C1orf105: variants seen among roughly 807,000 people sequenced by gnomAD.
C1orf105 encodes the protein uncharacterized protein C1orf105.
C1orf105 carries 17 observed loss-of-function variants against 20.8 expected under a neutral mutation model. The ratio of observed to expected loss-of-function variants is 0.82; its 90% CI spans 0.56 to 1.23. C1orf105 has a LOEUF of 1.23. Ranked by LOEUF, C1orf105 falls within the 50% of genes most tolerant of loss-of-function variation. C1orf105 has a pLI of 0.00. For synonymous variants in C1orf105, 72 were observed against 72.1 expected, an observed-to-expected ratio of 1.00 and a Z score of 0.01; for missense variants, 219 against 213.5, an observed-to-expected ratio of 1.03 and a Z score of -0.16.
At chr1:172,442,532 G>T in intron 1 of C1orf105, 1 of 1,614,074 alleles carries the variant, frequency 6.2e-7, no homozygotes, top group East Asian at 2.2e-5. Flanking sequence ...AGGAATCGCC[G>T]GTCCACATAG....
chr1:172,452,929 GC>G, intron 3 of C1orf105: 1 of 1,522,426 alleles, frequency 6.6e-7, no homozygotes, highest in South Asian at 1.3e-5. Context: ...TTGCTGCTGA[GC>G]TGGTCGTAAG....
intron 1 of C1orf105, among the ~76,000 whole-genome samples, chr1:172,422,717 G>A (rs1263780085): frequency 3.3e-5 from 5 of 151,798 alleles, no homozygotes; most frequent in Non-Finnish European, 5.9e-5. Context: ...CTCTTGGATG[G>A]CATCTCTGGA....
At chr1:172,440,293 C>T (rs2072178664) in intron 1 of C1orf105, among the ~76,000 whole-genome samples, 2 of 152,212 alleles carry the variant, frequency 1.3e-5, no homozygotes, top group Non-Finnish European at 2.9e-5. Context: ...GTGCCTGCTG[C>T]ATTTGGCACC....
intron 3 of C1orf105, chr1:172,453,211 A>G (rs756844608): frequency 2.1e-5 from 33 of 1,548,294 alleles, no homozygotes; most frequent in Non-Finnish European, 2.8e-5. Context: ...CACAGATCAA[A>G]GATTGCTTTT....
chr1:172,420,937 C>G (rs1558119723), intron 1 of C1orf105, 31 bp downstream of exon 1: 1 of 1,580,738 alleles, frequency 6.3e-7, no homozygotes, highest in Non-Finnish European at 8.7e-7. Flanking sequence ...ACTTCCAATT[C>G]TTTCCTTATG....
chr1:172,433,574 G>C (rs1328626893), intron 1 of C1orf105, among the ~76,000 whole-genome samples: 3 of 152,162 alleles, frequency 2.0e-5, no homozygotes, highest in African/African-American at 7.2e-5. Context: ...GTCACCACCA[G>C]GCCTGCCTTA....
intron 2 of C1orf105, among the ~76,000 whole-genome samples, chr1:172,447,959 T>C (rs773406257): frequency 1.3e-5 from 2 of 152,042 alleles, no homozygotes; most frequent in Admixed American, 1.3e-4. Flanking sequence ...AACTGCTAAC[T>C]AGAAAGAAAA....
intron 4 of C1orf105, among the ~76,000 whole-genome samples, chr1:172,461,443 G>A: frequency 6.6e-6 from 1 of 152,092 alleles, no homozygotes; most frequent in East Asian, 1.9e-4. Context: ...TATTATTATA[G>A]CTACAATAAT....
At position 172,445,141 on chromosome 1, in the gene C1orf105, G is replaced by T. The variant is rs1349873239; in HGVS notation, c.90G>T (p.Val30=). 1 of 1,611,878 alleles carries T rather than the reference G, an allele frequency of 6.2e-7. No individual in the cohort carries two copies. Among genetic ancestry groups the T allele is most frequent in the Non-Finnish European group, 8.5e-7 (1 of 1,179,136 alleles). ...CCAGCCTTGTAAACAAGCCATTAGT[G>T]CTCAGCCTTCCCAGAAGGTAACCTC... is the stretch of plus-strand genomic sequence containing the variant. The part of the protein sequence containing the change: ...SEASLVNKPL[V]LSLPRRYPHT... The change falls in exon 2 of 7, where the codon GTG becomes GTT. Residue 30 remains valine (V), a synonymous_variant. Coordinates refer to ENST00000367727, the MANE Select transcript of C1orf105 (RefSeq NM_139240.4).
chr1:172,437,758 A>AATAATAATAAT (rs1553259031), intron 1 of C1orf105, among the ~76,000 whole-genome samples: 1 of 149,246 alleles, frequency 6.7e-6, no homozygotes, highest in Admixed American at 6.7e-5. Context: ...TAATAATAAT[A>AATAATAATAAT]AACAAAACGA....
chr1:172,438,931 T>G (rs1411801749), intron 1 of C1orf105, among the ~76,000 whole-genome samples: 1 of 152,242 alleles, frequency 6.6e-6, no homozygotes, highest in Admixed American at 6.5e-5. Flanking sequence ...CTCAGATGAT[T>G]GTTCGCATTT....
intron 1 of C1orf105, among the ~76,000 whole-genome samples, chr1:172,436,013 C>A (rs2072029777): frequency 6.6e-6 from 1 of 152,096 alleles, no homozygotes; most frequent in Non-Finnish European, 1.5e-5. Context: ...GAATAAAACA[C>A]CTAGGAATCC....
intron 1 of C1orf105, among the ~76,000 whole-genome samples, chr1:172,421,405 T>A (rs2071583139): frequency 6.6e-6 from 1 of 152,216 alleles, no homozygotes. Context: ...CACTGTATGT[T>A]TCCTATTTAA....
intron 6 of C1orf105, among the ~76,000 whole-genome samples, chr1:172,466,573 TACACACACACACACACACAC>T (rs3980398): frequency 2.7e-4 from 40 of 147,284 alleles, no homozygotes; most frequent in Middle Eastern, 3.4e-3. Flanking sequence ...ATGAATCACA[TACACACACACACACACACAC>T]ACACACACAC....
rs551974817 is a variant in C1orf105 at position 172,462,173 on chromosome 1, T to C, written c.274-5T>C. On this transcript the variant is annotated splice_region_variant and splice_polypyrimidine_tract_variant and intron_variant, in intron 4 of 6. Coordinates refer to ENST00000367727, the MANE Select transcript of C1orf105 (RefSeq NM_139240.4). The stretch of plus-strand genomic sequence containing the variant: ...CAACGTTCTAAATGAGACTTTCTTC[T>C]TGAGGTACAACCAAGAACAATGAAA... 1 of 1,606,174 alleles carries C rather than the reference T, an allele frequency of 6.2e-7. No individual in the cohort carries two copies. Among genetic ancestry groups the C allele is most frequent in the African/African-American group, 1.3e-5 (1 of 74,794 alleles).
chr1:172,464,272 T>C (rs1287876362), intron 5 of C1orf105, among the ~76,000 whole-genome samples: 1 of 152,226 alleles, frequency 6.6e-6, no homozygotes, highest in Non-Finnish European at 1.5e-5. Flanking sequence ...AGAAGGGGTT[T>C]TGCTTTCTCT....
chr1:172,445,143 T>C lies in C1orf105; in HGVS notation c.92T>C (p.Leu31Pro). Residue 31 changes from leucine to proline, a missense_variant, in exon 2 of 7, where the codon CTC becomes CCC. Leu to Pro is a moderately conservative substitution (Grantham distance 98). Coordinates refer to ENST00000367727, the MANE Select transcript of C1orf105 (RefSeq NM_139240.4). ...EASLVNKPLVLSLPRRYPHTS... is the reference protein window; with the variant it reads ...EASLVNKPLVPSLPRRYPHTS... ...AGCCTTGTAAACAAGCCATTAGTGC[T>C]CAGCCTTCCCAGAAGGTAACCTCTC... 6.2e-7 allele frequency: 1 copy of C among 1,612,210 alleles called. No homozygotes were observed. Among genetic ancestry groups the C allele is most frequent in the South Asian group, 1.1e-5 (1 of 90,546 alleles).
chr1:172,425,430 TG>T (rs1416064366), intron 1 of C1orf105, among the ~76,000 whole-genome samples: 12 of 152,192 alleles, frequency 7.9e-5, no homozygotes, highest in Non-Finnish European at 1.5e-4. Context: ...CCAACATTGA[TG>T]GCATCTGTGA....
chr1:172,468,364 T>C lies in C1orf105; in HGVS notation c.407-85T>C, dbSNP rs55991961. 2.0e-3 allele frequency: 2,154 copies of C among 1,069,294 alleles called. 31 individuals are homozygous for C. The African/African-American group carries it at 0.029, about 14-fold the overall frequency. The allele number at this position is 1,069,294 out of a possible 1,614,324, so 66.2% of individuals were successfully genotyped here. On this transcript the variant is annotated intron_variant, in intron 6 of 6. Coordinates refer to ENST00000367727, the MANE Select transcript of C1orf105 (RefSeq NM_139240.4). ...TGTTTTATAAGGTTGAAGAAGTCTTTGTTGGCCTGTGGTTATTTTGAGCTT... is the reference window on the plus strand; with the variant it reads ...TGTTTTATAAGGTTGAAGAAGTCTTCGTTGGCCTGTGGTTATTTTGAGCTT...
Sources: gnomAD v4.1 joint callset for allele counts (sites outside exome capture counted in the v4.1 genomes callset) on GRCh38, gnomAD v4.1.1 for gene constraint, MANE v1.5 for transcripts, NCBI Gene and HGNC (gene_info 2026-07-23, HGNC 2026-07-21) for gene names.